Variants in SLIT1 observed in about 807,000 individuals in gnomAD.
The protein encoded by SLIT1 is slit homolog 1 protein.
SLIT1 carries 66 observed loss-of-function variants against 186.1 expected under a neutral mutation model. That is an observed-to-expected ratio of 0.35 (90% CI 0.29 to 0.44). The LOEUF (loss-of-function observed/expected upper bound fraction) is 0.44, where lower values mean the gene tolerates loss of function less well. SLIT1 is among the 20% of genes least tolerant of loss of function. The probability of loss-of-function intolerance (pLI) is 1.00; values close to 1 mark genes in which losing one functional copy is unlikely to be tolerated. For synonymous variants in SLIT1, 761 were observed against 833.8 expected (o/e 0.91, Z 1.50); for missense variants, 1,638 against 2,037.4 (o/e 0.80, Z 3.77).
In SLIT1 at chr10:97,043,087, C is replaced by T. The variant is rs199574414; in HGVS notation, c.1998-20G>A. On this transcript the variant is annotated intron_variant, in intron 19 of 36. Transcript: ENST00000266058. This position sits in a 1 kb window ranked among gnomAD's most constrained non-coding sequence, Gnocchi z 7.0. ...AGATTCCTGGAAGAGGCAGGCCAGG[C>T]GGCCATGGAGACACTCTGCCCCTCT... The T allele has an allele frequency of 8.1e-5, 131 of 1,610,342 alleles. No homozygotes were observed. In the East Asian group the frequency reaches 1.2e-3, roughly 15 times the overall value.
chr10:97,041,204 G>A (rs1230714749), intron 20 of SLIT1, among the ~76,000 whole-genome samples: 1 of 152,194 alleles, frequency 6.6e-6, no homozygotes, highest in African/African-American at 2.4e-5. Flanking sequence ...ATCTACGAGG[G>A]TGCTCCTGGC....
intron 4 of SLIT1, 180 bp downstream of exon 4, chr10:97,157,638 G>A: frequency 1.5e-6 from 1 of 649,184 alleles, no homozygotes. Flanking sequence ...GAAATACCCT[G>A]CACAGCACCT....
chr10:97,120,057 A>C (rs1373719203), intron 4 of SLIT1, among the ~76,000 whole-genome samples: 1 of 151,510 alleles, frequency 6.6e-6, no homozygotes, highest in Non-Finnish European at 1.5e-5. Flanking sequence ...AGAGTTTTAC[A>C]ACATTATGAC....
chr10:97,018,120 T>C (rs1225095802), intron 28 of SLIT1, among the ~76,000 whole-genome samples: 2 of 152,176 alleles, frequency 1.3e-5, no homozygotes, highest in African/African-American at 4.8e-5. Flanking sequence ...GTGTTGGGAT[T>C]ACAGGAGTGA....
chr10:96,999,937 A>AGATGATAGAT lies in SLIT1; in HGVS notation c.*1174_*1175insATCTATCATC, dbSNP rs1226045838. 1.3e-5 allele frequency: 2 copies of AGATGATAGAT among 151,982 alleles called. No individual in the cohort carries two copies. Among genetic ancestry groups the AGATGATAGAT allele is most frequent in the Non-Finnish European group, 2.9e-5 (2 of 67,994 alleles). The allele number at this position is 151,982 out of a possible 1,614,324, so 9.4% of individuals were successfully genotyped here. A position where few individuals can be genotyped will look rare whatever the true frequency, so the allele number is the denominator to read the frequency against. On this transcript the variant is annotated 3_prime_UTR_variant, in exon 37 of 37. Coordinates refer to ENST00000266058, the MANE Select transcript of SLIT1 (RefSeq NM_003061.3). Reference sequence around the variant, plus strand: ...TTTGATGTGATCAATGTAGATAGATAGATAGATAGATAGGTCTTCTAACTC... The same window carrying AGATGATAGAT: ...TTTGATGTGATCAATGTAGATAGATAGATGATAGATGATAGATAGATAGGTCTTCTAACTC...
Position 96,999,468 on chromosome 10 carries a change from A to C in SLIT1, c.*1644T>G, listed in dbSNP as rs1848280297. 1.3e-5 allele frequency: 2 copies of C among 152,362 alleles called. No individual in the cohort carries two copies. The highest frequency in any genetic ancestry group is 2.9e-5 in the Non-Finnish European group (2 of 68,224). The allele number at this position is 152,362 out of a possible 1,614,324, so 9.4% of individuals were successfully genotyped here. ...GGGACACAATGCCACTCTGAGCCTC[A>C]CCTGAACATACACCCAGCCATGCCT... is the stretch of plus-strand genomic sequence containing the variant. On this transcript the variant is annotated 3_prime_UTR_variant, in exon 37 of 37. Coordinates refer to ENST00000266058, the MANE Select transcript of SLIT1 (RefSeq NM_003061.3).
At chr10:97,076,435 CCG>C (rs950191796) in intron 4 of SLIT1, among the ~76,000 whole-genome samples, 20 of 152,146 alleles carry the variant, frequency 1.3e-4, no homozygotes, top group East Asian at 5.8e-4. Flanking sequence ...CTGGACCATC[CCG>C]CCTTTGTCTC....
chr10:97,028,636 C>G (rs983580279), intron 25 of SLIT1, among the ~76,000 whole-genome samples: 2 of 152,220 alleles, frequency 1.3e-5, no homozygotes, highest in Admixed American at 1.3e-4. Flanking sequence ...GGTACCTCCT[C>G]TGTGAAGCCC....
chr10:97,133,900 G>C (rs577408585), intron 4 of SLIT1, among the ~76,000 whole-genome samples: 8 of 151,968 alleles, frequency 5.3e-5, no homozygotes, highest in Non-Finnish European at 1.2e-4. Flanking sequence ...TTGTCCCCTG[G>C]GTCACTCTGA....
chr10:97,042,183 C>G (rs1015798489), intron 20 of SLIT1, among the ~76,000 whole-genome samples: 2 of 152,054 alleles, frequency 1.3e-5, no homozygotes, highest in Non-Finnish European at 2.9e-5. Flanking sequence ...GGAGCTGCCA[C>G]TGGGAGTAGG....
At chr10:97,005,410 T>G (rs1228887602) in intron 32 of SLIT1, among the ~76,000 whole-genome samples, 1 of 152,202 alleles carries the variant, frequency 6.6e-6, no homozygotes. Flanking sequence ...TCCTGCTCCC[T>G]CCGTTTCTTC....
intron 20 of SLIT1, 134 bp from the exon 21 acceptor site, chr10:97,040,254 T>A: frequency 1.1e-6 from 1 of 901,950 alleles, no homozygotes; most frequent in Non-Finnish European, 1.6e-6. Context: ...TCAGTAAGTC[T>A]GTGCACTACA....
Position 97,079,261 on chromosome 10 carries a change from A to G in SLIT1, c.414-13175T>C, listed in dbSNP as rs539013219. On this transcript the variant is annotated intron_variant, in intron 4 of 36. Coordinates refer to ENST00000266058, the MANE Select transcript of SLIT1 (RefSeq NM_003061.3). ...GCTGTTGGAAGCCAGGATTGTAGTT[A>G]GTCGGGATGGGGGGTGCAGGGATTT... Among the ~76,000 whole-genome samples the G allele has an allele frequency of 1.8e-3, 280 of 152,310 alleles. 1 individual carries two copies. The highest frequency in any genetic ancestry group is 6.8e-3 in the Middle Eastern group (2 of 294).
In SLIT1 at chr10:97,185,817, G is replaced by A. The variant is rs1850407677; in HGVS notation, c.-143C>T. On this transcript the variant is annotated 5_prime_UTR_variant, in exon 1 of 37. Transcript: ENST00000266058. Reference sequence around the variant, plus strand: ...CGCGCGGCGCCCCTGCGGGCTGGGAGGCACCTTGCTCCTCCAAGCGACGGC... The same window carrying A: ...CGCGCGGCGCCCCTGCGGGCTGGGAAGCACCTTGCTCCTCCAAGCGACGGC... The A allele has an allele frequency of 4.3e-6, 3 of 691,284 alleles. No individual in the cohort carries two copies. The highest frequency in any genetic ancestry group is 2.6e-5 in the South Asian group (1 of 39,102). The allele number at this position is 691,284 out of a possible 1,614,324, so 42.8% of individuals were successfully genotyped here.
intron 20 of SLIT1, among the ~76,000 whole-genome samples, chr10:97,042,193 G>T (rs1027426120): frequency 1.3e-4 from 20 of 152,106 alleles, no homozygotes; most frequent in African/African-American, 4.8e-4. Flanking sequence ...CTGGGAGTAG[G>T]CTGCAGGGGG....
intron 1 of SLIT1, among the ~76,000 whole-genome samples, chr10:97,170,647 A>T (rs1850175161): frequency 1.3e-5 from 2 of 152,222 alleles, no homozygotes; most frequent in Non-Finnish European, 2.9e-5. Context: ...CCCAAGGAGG[A>T]AAAATGCTCC....
At chr10:97,165,369 GT>G (rs1850090799) in intron 1 of SLIT1, among the ~76,000 whole-genome samples, 1 of 152,168 alleles carries the variant, frequency 6.6e-6, no homozygotes, top group Admixed American at 6.5e-5. Context: ...GGACACCAGT[GT>G]TATCATCTGG....
chr10:97,105,892 C>T (rs1051036965), intron 4 of SLIT1, among the ~76,000 whole-genome samples: 10 of 152,216 alleles, frequency 6.6e-5, no homozygotes, highest in Non-Finnish European at 1.3e-4. Context: ...CGGAGGCCTC[C>T]GCCAAGGGCA....
chr10:97,094,664 C>G (rs981140809), intron 4 of SLIT1, among the ~76,000 whole-genome samples: 2 of 152,106 alleles, frequency 1.3e-5, no homozygotes, highest in Non-Finnish European at 2.9e-5. Context: ...GCACTAGGAC[C>G]AGAAATTGCC....
Sources: allele counts gnomAD v4.1 joint callset (sites outside exome capture counted in the v4.1 genomes callset), GRCh38; gene constraint gnomAD v4.1.1; non-coding constraint Gnocchi (gnomAD v3.1); transcripts MANE v1.5; gene names NCBI Gene and HGNC (gene_info 2026-07-23, HGNC 2026-07-21).